The following TCF4 variants were observed in gnomAD, a reference collection of about 807,000 sequenced individuals.
The protein encoded by TCF4 is transcription factor 4.
In TCF4, 3 loss-of-function variants were observed where a neutral mutation model predicts 82.1. The observed-to-expected ratio is 0.04, with a 90% CI of 0.02 to 0.09. The LOEUF (loss-of-function observed/expected upper bound fraction) is 0.09. Among genes scored for constraint, TCF4 ranks in the 10% least tolerant of loss-of-function variants. The pLI, the probability that TCF4 is intolerant of heterozygous loss-of-function variation, is 1.00. For missense variants in TCF4, 518 were observed against 852.7 expected (o/e 0.61, Z 4.89); for synonymous variants, 276 against 309.6 (o/e 0.89, Z 1.14).
chr18:55,226,557 AC>A lies in TCF4; in HGVS notation c.*1477del, dbSNP rs1327239958. 6.6e-6 allele frequency: 1 copy of A among 152,444 alleles called. No individual in the cohort carries two copies. Among genetic ancestry groups the A allele is most frequent in the Non-Finnish European group, 1.5e-5 (1 of 67,990 alleles). The allele number at this position is 152,444 out of a possible 1,614,324, so 9.4% of individuals were successfully genotyped here. On this transcript the variant is annotated 3_prime_UTR_variant, in exon 20 of 20. Transcript: ENST00000354452. ...ATACTGGCCAGAGAAATACTGCACT[AC>A]CCCTCCTCAAAAAAGTGCAACTTAA... is the stretch of plus-strand genomic sequence containing the variant.
intron 8 of TCF4, among the ~76,000 whole-genome samples, chr18:55,344,040 C>T (rs191465450): frequency 2.6e-5 from 4 of 152,136 alleles, no homozygotes; most frequent in Non-Finnish European, 4.4e-5. Flanking sequence ...ATGGATTCTG[C>T]CTTAAGAAAA....
At position 55,588,123 on chromosome 18, in the gene TCF4, T is replaced by C; in HGVS notation, c.-106A>G. ...AACCGCCGCCGCCACCGCCGCCGCCTGCTCCTGCGCCCGCTCCCGCGCCTG... is the reference window on the plus strand; with the variant it reads ...AACCGCCGCCGCCACCGCCGCCGCCCGCTCCTGCGCCCGCTCCCGCGCCTG... On this transcript the variant is annotated 5_prime_UTR_variant, in exon 1 of 20. Coordinates refer to ENST00000354452, the MANE Select transcript of TCF4 (RefSeq NM_001083962.2). 1 of 1,046,608 alleles carries C rather than the reference T, an allele frequency of 9.6e-7. No homozygotes were observed. Among genetic ancestry groups the C allele is most frequent in the Non-Finnish European group, 1.1e-6 (1 of 875,348 alleles). 64.8% of individuals were successfully genotyped at this position (1,046,608 alleles called of 1,614,324 possible). A position where few individuals can be genotyped will look rare whatever the true frequency, so the allele number is the denominator to read the frequency against.
At chr18:55,299,954 C>A (rs780064634) in intron 8 of TCF4, among the ~76,000 whole-genome samples, 4 of 152,126 alleles carry the variant, frequency 2.6e-5, no homozygotes, top group Non-Finnish European at 4.4e-5. Context: ...GCCTCACTTG[C>A]TTTTCCATCA....
chr18:55,354,682 A>T (rs1234075755), intron 6 of TCF4, among the ~76,000 whole-genome samples: 2 of 152,202 alleles, frequency 1.3e-5, no homozygotes, highest in East Asian at 3.8e-4. Context: ...GGTGGGTGGT[A>T]CATTTCTAAA....
chr18:55,251,519 T>A (rs2055095469), intron 15 of TCF4, among the ~76,000 whole-genome samples: 1 of 152,192 alleles, frequency 6.6e-6, no homozygotes, highest in Non-Finnish European at 1.5e-5. Context: ...AATGCTTATA[T>A]CACCTTCCAA....
At chr18:55,255,227 T>C (rs967334551) in intron 14 of TCF4, among the ~76,000 whole-genome samples, 13 of 152,210 alleles carry the variant, frequency 8.5e-5, no homozygotes, top group Admixed American at 8.5e-4. Flanking sequence ...TGTTGAGTTT[T>C]TACCGGTGTT....
At chr18:55,313,065 A>G (rs1402223318) in intron 8 of TCF4, among the ~76,000 whole-genome samples, 3 of 152,162 alleles carry the variant, frequency 2.0e-5, no homozygotes, top group Admixed American at 2.0e-4. Context: ...ATAGTAGAGT[A>G]ATAACTTATT....
intron 3 of TCF4, among the ~76,000 whole-genome samples, chr18:55,556,367 G>C (rs2097304554): frequency 6.6e-6 from 1 of 152,038 alleles, no homozygotes; most frequent in African/African-American, 2.4e-5. Flanking sequence ...AAAAAGAATA[G>C]AGCCTAATTT....
chr18:55,274,404 T>C (rs1238977650), intron 10 of TCF4, among the ~76,000 whole-genome samples: 4 of 152,292 alleles, frequency 2.6e-5, no homozygotes, highest in East Asian at 1.9e-4. Context: ...TATAGGCTAA[T>C]TGACTACTTA....
At position 55,232,560 on chromosome 18, in the gene TCF4, T is replaced by C. The variant is rs1568329915; in HGVS notation, c.1598A>G (p.Lys533Arg). The C allele has an allele frequency of 1.2e-6, 2 of 1,614,108 alleles. No homozygotes were observed. Among genetic ancestry groups the C allele is most frequent in the East Asian group, 4.5e-5 (2 of 44,902 alleles). ...LQDTKSSEDK[K>R]LDDDKKDIKS... ...GATATCCTTCTTGTCGTCATCTAATTTCTTGTCCTCCGAAGATTTCGTGTC... is the reference window on the plus strand; with the variant it reads ...GATATCCTTCTTGTCGTCATCTAATCTCTTGTCCTCCGAAGATTTCGTGTC... Residue 533 changes from lysine to arginine, a missense_variant, in exon 17 of 20, where the codon AAA becomes AGA. Lys to Arg is a conservative substitution (Grantham distance 26). Coordinates refer to ENST00000354452, the MANE Select transcript of TCF4 (RefSeq NM_001083962.2).
chr18:55,507,877 T>C (rs150862660), intron 3 of TCF4, among the ~76,000 whole-genome samples: 79 of 152,304 alleles, frequency 5.2e-4, no homozygotes, highest in African/African-American at 1.9e-3. Flanking sequence ...CTAAAAATTC[T>C]CTAGGCTGAA....
intron 8 of TCF4, among the ~76,000 whole-genome samples, chr18:55,349,847 C>T (rs1004153530): frequency 6.6e-6 from 1 of 152,044 alleles, no homozygotes; most frequent in Non-Finnish European, 1.5e-5. Context: ...CTAGTTGTCA[C>T]CTGGTAGTAA....
chr18:55,279,630 G>T lies in TCF4; in HGVS notation c.576C>A (p.Ala192=), dbSNP rs143993583. Residue 192 remains alanine, a synonymous_variant, in exon 9 of 20, where the codon GCC becomes GCA. Coordinates refer to ENST00000354452, the MANE Select transcript of TCF4 (RefSeq NM_001083962.2). ...SSVYAPSAST[A]DYNRDSPGYP... ...AGCCTGGCGAGTCCCTATTGTAGTC[G>T]GCAGTGCTTGCTGATGGAGCATAGA... is the stretch of plus-strand genomic sequence containing the variant. The T allele has an allele frequency of 6.6e-5, 106 of 1,613,788 alleles. No homozygotes were observed. Among genetic ancestry groups the T allele is most frequent in the Non-Finnish European group, 8.6e-5 (101 of 1,179,910 alleles).
intron 3 of TCF4, among the ~76,000 whole-genome samples, chr18:55,477,492 C>T (rs996610043): frequency 1.3e-5 from 2 of 152,180 alleles, no homozygotes; most frequent in African/African-American, 4.8e-5. Context: ...TAGCAACGTA[C>T]ATTTTTAAAC....
At chr18:55,313,951 C>T (rs1602311255) in intron 8 of TCF4, among the ~76,000 whole-genome samples, 1 of 152,112 alleles carries the variant, frequency 6.6e-6, no homozygotes, top group Non-Finnish European at 1.5e-5. Context: ...CCCCCCCTTA[C>T]AAATTCACAG....
intron 8 of TCF4, among the ~76,000 whole-genome samples, chr18:55,280,504 T>C (rs1426841186): frequency 1.3e-5 from 2 of 152,190 alleles, no homozygotes; most frequent in African/African-American, 4.8e-5. Context: ...AGTTTAACTT[T>C]AATTGGTTTT....
chr18:55,595,915 T>C (rs2097690407), intron 2 of TCF4, among the ~76,000 whole-genome samples: 1 of 152,198 alleles, frequency 6.6e-6, no homozygotes, highest in South Asian at 2.1e-4. Flanking sequence ...TCGTTTTCCC[T>C]TGCATGTGCT....
chr18:55,476,473 T>C (rs888001426), intron 3 of TCF4, among the ~76,000 whole-genome samples: 4 of 152,120 alleles, frequency 2.6e-5, no homozygotes, highest in Admixed American at 1.3e-4. Flanking sequence ...TTTTTGTTTT[T>C]TGTTTTTGTT....
In TCF4 at chr18:55,227,025, G is replaced by A. The variant is rs2046685561; in HGVS notation, c.*1010C>T. On this transcript the variant is annotated 3_prime_UTR_variant, in exon 20 of 20. Coordinates refer to ENST00000354452, the MANE Select transcript of TCF4 (RefSeq NM_001083962.2). The stretch of plus-strand genomic sequence containing the variant: ...TTCACAAACGCAACATTACAATTCA[G>A]ACAAACTCTTTTTGCCATGTCTTGG... 6.6e-6 allele frequency: 1 copy of A among 152,536 alleles called. No individual in the cohort carries two copies. Among genetic ancestry groups the A allele is most frequent in the Non-Finnish European group, 1.5e-5 (1 of 68,014 alleles). The allele number at this position is 152,536 out of a possible 1,614,324, so 9.4% of individuals were successfully genotyped here. A position where few individuals can be genotyped will look rare whatever the true frequency, so the allele number is the denominator to read the frequency against.
Sources: allele counts gnomAD v4.1 joint callset (sites outside exome capture counted in the v4.1 genomes callset), GRCh38; gene constraint gnomAD v4.1.1; transcripts MANE v1.5; gene names NCBI Gene and HGNC (gene_info 2026-07-23, HGNC 2026-07-21).